KCNAB2: variants seen among roughly 807,000 people sequenced by gnomAD.
The protein encoded by KCNAB2 is potassium voltage-gated channel subfamily A regulatory beta subunit 2.
Under a neutral mutation model 63.6 loss-of-function variants are expected in KCNAB2, and 29 were observed. That is an observed-to-expected ratio of 0.46 (90% CI 0.34 to 0.62). The LOEUF is 0.62. Among genes scored for constraint, KCNAB2 ranks in the 20% least tolerant of loss-of-function variants. KCNAB2 has a pLI of 0.01. For missense variants in KCNAB2, 359 were observed against 563.9 expected, an observed-to-expected ratio of 0.64 and a Z score of 3.68; for synonymous variants, 222 against 224.2, an observed-to-expected ratio of 0.99 and a Z score of 0.09.
chr1:6,044,496 T>C (rs537835102), upstream of KCNAB2, among the ~76,000 whole-genome samples: 291 of 151,820 alleles, frequency 1.9e-3, 3 homozygotes, highest in African/African-American at 6.4e-3. Context: ...AGCTCAGAGG[T>C]GTGCACAGAG....
rs1656793552 is a variant in KCNAB2 at position 5,994,293 on chromosome 1, G to A, written c.-53+1505G>A. ...TGCAGGGTTTGGGGACCTACGTGTG[G>A]AGAGTCACATCTGCCCACCTGATTC... On this transcript the variant is annotated intron_variant, in intron 1 of 16. Coordinates refer to the KCNAB2 transcript ENST00000341524. The surrounding 1 kb of genome is among the most constrained non-coding windows in gnomAD (Gnocchi z 5.4). Among the ~76,000 whole-genome samples the A allele has an allele frequency of 6.6e-6, 1 of 152,232 alleles. No individual in the cohort carries two copies. Among genetic ancestry groups the A allele is most frequent in the South Asian group, 2.1e-4 (1 of 4,838 alleles).
upstream of KCNAB2, chr1:6,042,005 G>C: frequency 1.3e-6 from 1 of 754,432 alleles, no homozygotes; most frequent in Non-Finnish European, 2.3e-6. Context: ...CCCAGGCTCT[G>C]CTCATCACCC....
chr1:6,080,480 A>G (rs11583500), intron 4 of KCNAB2, among the ~76,000 whole-genome samples: 44,353 of 151,974 alleles, frequency 0.29, 6,775 homozygotes, highest in African/African-American at 0.34. Flanking sequence ...CAGGAAGACA[A>G]CAACAGAGCC....
chr1:6,043,177 A>G (rs80060146), upstream of KCNAB2, among the ~76,000 whole-genome samples: 4,390 of 152,262 alleles, frequency 0.029, 209 homozygotes, highest in African/African-American at 0.1. Context: ...CCTGAACTGC[A>G]TCCTCAGAGA....
chr1:6,067,793 A>G (rs1000442511), intron 2 of KCNAB2, among the ~76,000 whole-genome samples: 1 of 152,088 alleles, frequency 6.6e-6, no homozygotes, highest in Non-Finnish European at 1.5e-5. Context: ...ACTTTGGGAG[A>G]CTGAGGAGGG....
At chr1:6,019,005 A>T (rs1658671707) in intron 1 of KCNAB2, among the ~76,000 whole-genome samples, 3 of 152,220 alleles carry the variant, frequency 2.0e-5, no homozygotes, top group African/African-American at 7.2e-5. Flanking sequence ...AAACTGTAAA[A>T]ATTGGACTGG....
Position 6,087,379 on chromosome 1 carries a change from C to A in KCNAB2, c.426-88C>A. Reference sequence around the variant, plus strand: ...CTGGGTGGGAGGGCTTTCAGGACCTCTGTGTGAGAGATGAGGACGTCGGGG... The same window carrying A: ...CTGGGTGGGAGGGCTTTCAGGACCTATGTGTGAGAGATGAGGACGTCGGGG... On this transcript the variant is annotated intron_variant, in intron 6 of 15. Coordinates refer to ENST00000378083, the MANE Select transcript of KCNAB2 (RefSeq NM_001199862.2). This position sits in a 1 kb window ranked among gnomAD's most constrained non-coding sequence, Gnocchi z 6.4. The A allele has an allele frequency of 7.0e-7, 1 of 1,424,172 alleles. No individual in the cohort carries two copies. Among genetic ancestry groups the A allele is most frequent in the Non-Finnish European group, 9.9e-7 (1 of 1,007,382 alleles). 88.2% of individuals were successfully genotyped at this position (1,424,172 alleles called of 1,614,324 possible). A position where few individuals can be genotyped will look rare whatever the true frequency, so the allele number is the denominator to read the frequency against.
At chr1:6,054,601 C>A (rs1024969737) in intron 2 of KCNAB2, among the ~76,000 whole-genome samples, 11 of 152,276 alleles carry the variant, frequency 7.2e-5, no homozygotes, top group African/African-American at 2.6e-4. Flanking sequence ...AAGTACACTC[C>A]ACAGGATGGG....
At chr1:5,996,151 C>G (rs1246106168) in intron 1 of KCNAB2, 2 of 152,400 alleles carry the variant, frequency 1.3e-5, no homozygotes, top group Non-Finnish European at 2.9e-5. Context: ...GAACAGGACC[C>G]TCTTCCCCAG....
chr1:6,013,336 G>C (rs974271223), intron 1 of KCNAB2, among the ~76,000 whole-genome samples: 1 of 152,080 alleles, frequency 6.6e-6, no homozygotes, highest in African/African-American at 2.4e-5. Context: ...CACTTGTGAC[G>C]CTCAGAGCTC....
At chr1:6,081,621 G>A (rs555894489) in intron 4 of KCNAB2, among the ~76,000 whole-genome samples, 13 of 149,566 alleles carry the variant, frequency 8.7e-5, no homozygotes, top group South Asian at 6.2e-4. Context: ...GGGAGGGTCC[G>A]CCCCATGCCT....
intron 1 of KCNAB2, among the ~76,000 whole-genome samples, chr1:6,017,406 CTGTGTG>C (rs56202547): frequency 0.11 from 16,537 of 147,112 alleles, 1,190 homozygotes; most frequent in Non-Finnish European, 0.16. Context: ...CCATACCTGG[CTGTGTG>C]TGTGTGTGTG....
intron 1 of KCNAB2, among the ~76,000 whole-genome samples, chr1:6,037,936 G>A (rs1277687532): frequency 9.9e-5 from 14 of 141,452 alleles, no homozygotes; most frequent in African/African-American, 1.6e-4. Context: ...GTGCAGTGGC[G>A]CGAACTCGGC....
intron 5 of KCNAB2, among the ~76,000 whole-genome samples, chr1:6,083,224 C>T (rs951574896): frequency 1.1e-4 from 16 of 152,176 alleles, no homozygotes; most frequent in Non-Finnish European, 1.6e-4. Flanking sequence ...ATGAGCCCAG[C>T]GGAGGGGTCT....
chr1:6,047,789 C>T (rs972550531), intron 1 of KCNAB2, among the ~76,000 whole-genome samples: 2 of 152,214 alleles, frequency 1.3e-5, no homozygotes, highest in Admixed American at 6.5e-5. Flanking sequence ...GGGAGTCCAG[C>T]GGCCATGGGC....
chr1:6,092,372 T>A (rs1665259545), intron 10 of KCNAB2, among the ~76,000 whole-genome samples: 1 of 152,194 alleles, frequency 6.6e-6, no homozygotes, highest in Admixed American at 6.5e-5. Context: ...GTCAGCCCCG[T>A]CTCTCCATCA....
At chr1:6,062,668 A>G (rs1057258435) in intron 2 of KCNAB2, among the ~76,000 whole-genome samples, 1 of 152,174 alleles carries the variant, frequency 6.6e-6, no homozygotes, top group African/African-American at 2.4e-5. Flanking sequence ...GCGCACACAC[A>G]CTGTCTGAGC....
Position 6,072,761 on chromosome 1 carries a change from G to T in KCNAB2, c.225G>T (p.Leu75=), listed in dbSNP as rs1663317379. Residue 75 remains leucine (L), a synonymous_variant, in exon 3 of 16, where the codon CTG becomes CTT. Transcript: ENST00000378083. ...CGTGGCGTTTGTTTTTCAGGAACCT[G>T]GGCAAGTCTGGCCTGCGGGTCTCCT... is the stretch of plus-strand genomic sequence containing the variant. ...AQRTGMKYRN[L]GKSGLRVSCL... is the part of the protein sequence containing the mutation. 2 of 1,613,808 alleles carry T rather than the reference G, an allele frequency of 1.2e-6. No individual in the cohort carries two copies. Among genetic ancestry groups the T allele is most frequent in the South Asian group, 2.2e-5 (2 of 91,064 alleles).
rs1217297251 is a variant in KCNAB2, at chr1:6,096,566, C to A, written c.949-70C>A. On this transcript the variant is annotated intron_variant, in intron 13 of 15. Coordinates refer to ENST00000378083, the MANE Select transcript of KCNAB2 (RefSeq NM_001199862.2). The surrounding 1 kb of genome is among the most constrained non-coding windows in gnomAD (Gnocchi z 5.9). The stretch of plus-strand genomic sequence containing the variant: ...GTCCAGAAGGAATGAGCCCATCGGC[C>A]CCCTGCACGTGGGGGTCCAGGTGAC... 4.5e-6 allele frequency: 7 copies of A among 1,539,918 alleles called. No individual in the cohort carries two copies. In the Admixed American group the frequency reaches 1.4e-4, roughly 30 times the overall value.
Sources: allele counts gnomAD v4.1 joint callset (sites outside exome capture counted in the v4.1 genomes callset), GRCh38; gene constraint gnomAD v4.1.1; non-coding constraint Gnocchi (gnomAD v3.1); transcripts MANE v1.5; gene names NCBI Gene and HGNC (gene_info 2026-07-23, HGNC 2026-07-21).